Variants in TDP1 observed in about 807,000 individuals in gnomAD.
TDP1 encodes the protein tyr-DNA phosphodiesterase 1.
In TDP1, 64 loss-of-function variants were observed where a neutral mutation model predicts 81.5. That is an observed-to-expected ratio of 0.79 (90% confidence interval 0.64 to 0.97). The LOEUF is 0.97. TDP1 is among the 50% of genes least tolerant of loss of function. TDP1 has a pLI of 0.00. For synonymous variants in TDP1, 256 were observed against 264.3 expected (o/e 0.97, Z 0.30); for missense variants, 723 against 743.8 (o/e 0.97, Z 0.33).
chr14:90,034,092 C>T (rs1887588929), intron 16 of TDP1, among the ~76,000 whole-genome samples: 1 of 152,056 alleles, frequency 6.6e-6, no homozygotes. Context: ...GTTCTTATGA[C>T]AATTTCCAAA....
intron 14 of TDP1, among the ~76,000 whole-genome samples, chr14:90,003,574 G>A (rs1467508515): frequency 6.6e-6 from 1 of 152,186 alleles, no homozygotes; most frequent in Non-Finnish European, 1.5e-5. Flanking sequence ...AGGTTTAAGA[G>A]AAGCCTTGGC....
In TDP1 at chr14:89,963,567, C is replaced by T. The variant is rs745601038; in HGVS notation, c.453C>T (p.Gly151=). The change falls in exon 3 of 17, where the codon GGC becomes GGT. Residue 151 remains glycine, a synonymous_variant. Coordinates refer to ENST00000335725, the MANE Select transcript of TDP1 (RefSeq NM_018319.4). ...EEDEYETSGE[G]QDIWDMLDKG... ...ACGAGTATGAGACATCAGGGGAGGG[C>T]CAGGACATTTGGGACATGCTGGATA... 1 of 1,613,316 alleles carries T rather than the reference C, an allele frequency of 6.2e-7. No individual in the cohort carries two copies. Among genetic ancestry groups the T allele is most frequent in the Admixed American group, 1.7e-5 (1 of 59,946 alleles).
intron 10 of TDP1, 49 bp downstream of exon 10, chr14:89,985,259 TTC>T (rs1297691724): frequency 2.6e-5 from 28 of 1,068,698 alleles, no homozygotes; most frequent in Non-Finnish European, 3.9e-5. Flanking sequence ...TTAATGTATA[TTC>T]TCTCTTTTAA....
At chr14:89,981,399 A>G (rs1313288772) in intron 8 of TDP1, 1 of 442,440 alleles carries the variant, frequency 2.3e-6, no homozygotes, top group East Asian at 7.1e-5. Flanking sequence ...AGCTTTAGGG[A>G]TTTGCTCAAC....
At chr14:89,978,053 G>C (rs960135187) in intron 7 of TDP1, among the ~76,000 whole-genome samples, 5 of 152,186 alleles carry the variant, frequency 3.3e-5, no homozygotes, top group Non-Finnish European at 7.3e-5. Flanking sequence ...CAAACCACAG[G>C]ATGGGCGAGG....
chr14:90,035,175 C>T (rs537660400), intron 16 of TDP1, among the ~76,000 whole-genome samples: 1 of 152,324 alleles, frequency 6.6e-6, no homozygotes, highest in South Asian at 2.1e-4. Flanking sequence ...TCTGATGGGC[C>T]CTTTCTTAGA....
At chr14:89,963,923 T>G (rs772503736) in intron 3 of TDP1, among the ~76,000 whole-genome samples, 1 of 152,200 alleles carries the variant, frequency 6.6e-6, no homozygotes, top group Non-Finnish European at 1.5e-5. Context: ...ATGTTTAGCA[T>G]TATTTAACTT....
chr14:89,993,479 A>G lies in TDP1; in HGVS notation c.1537A>G (p.Thr513Ala), dbSNP rs1202197012. 1.9e-6 allele frequency: 3 copies of G among 1,613,052 alleles called. No individual in the cohort carries two copies. The highest frequency in any genetic ancestry group is 1.1e-5 in the South Asian group (1 of 91,042). Residue 513 changes from threonine (T) to alanine (A), a missense_variant, in exon 14 of 17, where the codon ACA (threonine) becomes GCA (alanine). Physicochemically the swap from Thr to Ala is moderately conservative, Grantham distance 58 (BLOSUM62 0). Coordinates refer to ENST00000335725, the MANE Select transcript of TDP1 (RefSeq NM_018319.4). ...DFSKIAWFLV[T>A]SANLSKAAWG... ...CAGTAAAATTGCTTGGTTCCTTGTCACAAGGTAAATAGTCCTTACATTCCT... is the reference window on the plus strand; with the variant it reads ...CAGTAAAATTGCTTGGTTCCTTGTCGCAAGGTAAATAGTCCTTACATTCCT...
chr14:89,999,992 T>C (rs1023163115), intron 14 of TDP1, among the ~76,000 whole-genome samples: 1 of 152,210 alleles, frequency 6.6e-6, no homozygotes, highest in African/African-American at 2.4e-5. Flanking sequence ...CTGAGCCCTC[T>C]GCTCAGTGTC....
At position 90,040,151 on chromosome 14, in the gene TDP1, ACCCAGC is replaced by A. The variant is rs1888223304; in HGVS notation, c.1754-2917_1754-2912del. Among the ~76,000 whole-genome samples the A allele has an allele frequency of 2.0e-5, 3 of 152,066 alleles. No individual in the cohort carries two copies. The South Asian group carries it at 6.2e-4, about 32-fold the overall frequency. ...CCTTAATGTAGGCCTCCTCTTTCTCACCCAGCCTTGCTTACTTGTTCATCTTCCCAG... is the reference window on the plus strand; with the variant it reads ...CCTTAATGTAGGCCTCCTCTTTCTCACTTGCTTACTTGTTCATCTTCCCAG... On this transcript the variant is annotated intron_variant, in intron 16 of 16. Transcript: ENST00000335725.
At chr14:89,968,634 A>G (rs938297514) in intron 5 of TDP1, among the ~76,000 whole-genome samples, 6 of 152,330 alleles carry the variant, frequency 3.9e-5, no homozygotes, top group African/African-American at 1.4e-4. Context: ...GCCTTTTGTT[A>G]GGGAAGGAGG....
intron 15 of TDP1, among the ~76,000 whole-genome samples, chr14:90,032,145 C>T (rs1309804661): frequency 2.0e-5 from 3 of 152,170 alleles, no homozygotes; most frequent in Non-Finnish European, 4.4e-5. Flanking sequence ...CAGTCATTTA[C>T]TCAGCTTAAT....
At chr14:90,005,464 CCATATCATAGTTCTGTTAAAAG>C (rs2140196291) in intron 14 of TDP1, among the ~76,000 whole-genome samples, 1 of 152,310 alleles carries the variant, frequency 6.6e-6, no homozygotes, top group Non-Finnish European at 1.5e-5. Context: ...ATTCTAACAA[CCATATCATAGTTCTGTTAAAAG>C]CATTAACCAT....
chr14:90,007,544 G>A (rs576608554), intron 14 of TDP1, among the ~76,000 whole-genome samples: 33 of 152,114 alleles, frequency 2.2e-4, no homozygotes, highest in Admixed American at 2.0e-3. Context: ...AGCTGAGATC[G>A]CTCCACTGCA....
chr14:89,999,523 T>A (rs1268700003), intron 14 of TDP1, among the ~76,000 whole-genome samples: 1 of 152,220 alleles, frequency 6.6e-6, no homozygotes, highest in African/African-American at 2.4e-5. Context: ...TTATTATTAC[T>A]GATCCGTATT....
At chr14:90,016,724 T>TACACAC (rs137874807) in intron 14 of TDP1, among the ~76,000 whole-genome samples, 76 of 151,886 alleles carry the variant, frequency 5.0e-4, no homozygotes, top group African/African-American at 1.7e-3. Flanking sequence ...CTTTAAGAAA[T>TACACAC]ACACACACAC....
chr14:90,023,035 C>T (rs762962189), intron 15 of TDP1: 6 of 763,058 alleles, frequency 7.9e-6, no homozygotes, highest in South Asian at 4.1e-5. Context: ...CTTCCAGGCC[C>T]CTGCGAAGAG....
rs73326478 is a variant in TDP1 at position 89,996,094 on chromosome 14, C to T, written c.1541+2611C>T. On this transcript the variant is annotated intron_variant, in intron 14 of 16. Coordinates refer to ENST00000335725, the MANE Select transcript of TDP1 (RefSeq NM_018319.4). ...GTCCTTGCAATTACCAGGTCAGAAACTTATCCTCTGGACTTCTGAAAGGGT... is the reference window on the plus strand; with the variant it reads ...GTCCTTGCAATTACCAGGTCAGAAATTTATCCTCTGGACTTCTGAAAGGGT... Among the ~76,000 whole-genome samples the T allele has an allele frequency of 6.0e-3, 910 of 152,294 alleles. 6 individuals carry two copies. Among genetic ancestry groups the T allele is most frequent in the African/African-American group, 0.021 (872 of 41,564 alleles).
chr14:89,959,514 T>C (rs1892080825), intron 2 of TDP1, among the ~76,000 whole-genome samples: 1 of 152,220 alleles, frequency 6.6e-6, no homozygotes, highest in Admixed American at 6.5e-5. Flanking sequence ...CAAGACACAA[T>C]TTTATTAGTC....
Sources: gnomAD v4.1 joint callset for allele counts (sites outside exome capture counted in the v4.1 genomes callset) on GRCh38, gnomAD v4.1.1 for gene constraint, MANE v1.5 for transcripts, NCBI Gene and HGNC (gene_info 2026-07-23, HGNC 2026-07-21) for gene names.